The following JAZF1 variants were observed in gnomAD, a reference collection of about 807,000 sequenced individuals.
JAZF1 encodes juxtaposed with another zinc finger protein 1.
JAZF1 carries 8 observed loss-of-function variants against 26.4 expected under a neutral mutation model. The ratio of observed to expected loss-of-function variants is 0.30; its 90% CI spans 0.18 to 0.55. The LOEUF (loss-of-function observed/expected upper bound fraction) is 0.55, where lower values mean the gene tolerates loss of function less well. JAZF1 is among the 20% of genes least tolerant of loss of function. JAZF1 has a pLI of 0.94. For missense variants in JAZF1, 199 were observed against 322.0 expected, an observed-to-expected ratio of 0.62 and a Z score of 2.92; for synonymous variants, 126 against 122.3, an observed-to-expected ratio of 1.03 and a Z score of -0.20.
chr7:27,981,870 T>G (rs1785591909), intron 2 of JAZF1, among the ~76,000 whole-genome samples: 1 of 152,244 alleles, frequency 6.6e-6, no homozygotes, highest in Admixed American at 6.5e-5. Flanking sequence ...ACCACTGCAC[T>G]TGATTCAAGT....
At chr7:28,103,221 T>TC (rs1398695860) in intron 1 of JAZF1, among the ~76,000 whole-genome samples, 1 of 152,020 alleles carries the variant, frequency 6.6e-6, no homozygotes, top group East Asian at 1.9e-4. Flanking sequence ...TGCCCACCAT[T>TC]CCCAAATGCC....
At chr7:28,099,977 C>T (rs1021069691) in intron 1 of JAZF1, among the ~76,000 whole-genome samples, 4 of 152,098 alleles carry the variant, frequency 2.6e-5, no homozygotes, top group East Asian at 1.9e-4. Context: ...CACTAAACAT[C>T]GTGTTCTTTT....
intron 3 of JAZF1, among the ~76,000 whole-genome samples, chr7:27,855,791 G>A (rs552727199): frequency 1.3e-5 from 2 of 152,242 alleles, no homozygotes; most frequent in South Asian, 4.1e-4. Context: ...GGTACAAAGA[G>A]GATCTGGTAC....
chr7:28,046,013 T>A (rs868725295), intron 1 of JAZF1, among the ~76,000 whole-genome samples: 1 of 152,352 alleles, frequency 6.6e-6, no homozygotes, highest in Middle Eastern at 3.4e-3. Context: ...TGAGTATCCT[T>A]AATCTCCCAC....
At chr7:27,905,164 C>T (rs1784230879) in intron 2 of JAZF1, among the ~76,000 whole-genome samples, 1 of 152,124 alleles carries the variant, frequency 6.6e-6, no homozygotes, top group Non-Finnish European at 1.5e-5. Flanking sequence ...GGATCCCACT[C>T]TGCTGCCCAG....
In JAZF1 at chr7:27,905,243, C is replaced by G. The variant is rs577178735; in HGVS notation, c.189-9827G>C. On this transcript the variant is annotated intron_variant, in intron 2 of 4. Coordinates refer to ENST00000283928, the MANE Select transcript of JAZF1 (RefSeq NM_175061.4). ...CCTCCCAAAGTGCTAGGATTACAGGCATGAGCTACCCACGCCTGGCCTGTT... is the reference window on the plus strand; with the variant it reads ...CCTCCCAAAGTGCTAGGATTACAGGGATGAGCTACCCACGCCTGGCCTGTT... Among the ~76,000 whole-genome samples, 7 of 152,272 alleles carry G rather than the reference C, an allele frequency of 4.6e-5. No homozygotes were observed. In the East Asian group the frequency reaches 1.3e-3, roughly 29 times the overall value.
At chr7:28,066,086 A>T (rs771632430) in intron 1 of JAZF1, among the ~76,000 whole-genome samples, 1 of 152,180 alleles carries the variant, frequency 6.6e-6, no homozygotes, top group Non-Finnish European at 1.5e-5. Context: ...GAATTTAGGA[A>T]TGCTAAGGAA....
chr7:28,157,029 A>G (rs1177636510), intron 1 of JAZF1, among the ~76,000 whole-genome samples: 2 of 152,208 alleles, frequency 1.3e-5, no homozygotes, highest in Non-Finnish European at 2.9e-5. Context: ...TCAACCAACC[A>G]CAGTGGATTC....
At chr7:27,888,161 T>C (rs1051096224) in intron 3 of JAZF1, among the ~76,000 whole-genome samples, 1 of 152,306 alleles carries the variant, frequency 6.6e-6, no homozygotes, top group African/African-American at 2.4e-5. Context: ...TTAGGGAACG[T>C]TGCTTAGGTA....
At chr7:28,092,951 T>C (rs770621755) in intron 1 of JAZF1, among the ~76,000 whole-genome samples, 1 of 152,222 alleles carries the variant, frequency 6.6e-6, no homozygotes, top group Non-Finnish European at 1.5e-5. Context: ...TTATTTCATG[T>C]AACTTAAATA....
chr7:27,936,483 A>G (rs959540742), intron 2 of JAZF1, among the ~76,000 whole-genome samples: 13 of 152,338 alleles, frequency 8.5e-5, no homozygotes, highest in African/African-American at 3.1e-4. Flanking sequence ...AAATGCTACA[A>G]TAAAAATGTG....
At chr7:27,839,804 C>A (rs761973045) in intron 4 of JAZF1, among the ~76,000 whole-genome samples, 11 of 152,014 alleles carry the variant, frequency 7.2e-5, no homozygotes, top group Non-Finnish European at 1.0e-4. Flanking sequence ...TAAGAAGGGG[C>A]AATATAAGTG....
intron 2 of JAZF1, among the ~76,000 whole-genome samples, chr7:27,934,100 A>G (rs1784727906): frequency 6.6e-6 from 1 of 152,216 alleles, no homozygotes; most frequent in Non-Finnish European, 1.5e-5. Flanking sequence ...TTCCACATGG[A>G]GATCTTACAG....
At chr7:28,009,820 C>G (rs1454141980) in intron 1 of JAZF1, among the ~76,000 whole-genome samples, 1 of 152,164 alleles carries the variant, frequency 6.6e-6, no homozygotes, top group Non-Finnish European at 1.5e-5. Context: ...GTTATGACAA[C>G]CCATTAAATT....
At chr7:28,101,646 TG>T (rs1166545359) in intron 1 of JAZF1, among the ~76,000 whole-genome samples, 2 of 144,764 alleles carry the variant, frequency 1.4e-5, no homozygotes, top group Non-Finnish European at 3.0e-5. Context: ...TGGGAGGCTG[TG>T]GAGGGAGGAT....
intron 1 of JAZF1, among the ~76,000 whole-genome samples, chr7:28,109,397 A>G (rs1784603662): frequency 6.6e-6 from 1 of 152,250 alleles, no homozygotes; most frequent in African/African-American, 2.4e-5. Context: ...ATTTAAAAAA[A>G]TAATAATTTA....
At chr7:28,020,438 G>C in intron 1 of JAZF1, 1 of 377,308 alleles carries the variant, frequency 2.7e-6, no homozygotes, top group Non-Finnish European at 5.3e-6. Flanking sequence ...AAACAAACGA[G>C]GAGAGCCAGC....
chr7:28,129,126 GTCTT>G (rs1160871), intron 1 of JAZF1, among the ~76,000 whole-genome samples: 61,681 of 151,180 alleles, frequency 0.41, 16,880 homozygotes, highest in East Asian at 0.97. Context: ...TGGACAGAGG[GTCTT>G]TCTTAGTCAT....
intron 2 of JAZF1, among the ~76,000 whole-genome samples, chr7:27,988,608 G>A (rs38513): frequency 0.81 from 123,435 of 152,026 alleles, 50,771 homozygotes; most frequent in African/African-American, 0.94. Context: ...TCTCATGAGT[G>A]ACATTTGAGT....
Sources: gnomAD v4.1 joint callset for allele counts (sites outside exome capture counted in the v4.1 genomes callset) on GRCh38, gnomAD v4.1.1 for gene constraint, MANE v1.5 for transcripts, NCBI Gene and HGNC (gene_info 2026-07-23, HGNC 2026-07-21) for gene names.